The following ADGRV1 variants were observed in gnomAD, a reference collection of about 807,000 sequenced individuals.
The protein encoded by ADGRV1 is adhesion G protein-coupled receptor V1, also known as G-protein coupled receptor 98.
Under a neutral mutation model 596.2 loss-of-function variants are expected in ADGRV1, and 359 were observed. The ratio of observed to expected loss-of-function variants is 0.60; its 90% CI spans 0.55 to 0.66. The LOEUF (loss-of-function observed/expected upper bound fraction) is 0.66. Ranked by LOEUF, ADGRV1 falls within the 30% of genes least tolerant of loss-of-function variation. The pLI is 0.00. For synonymous variants in ADGRV1, 2,681 were observed against 2,679.2 expected (o/e 1.00, Z -0.02); for missense variants, 7,274 against 7,575.6 (o/e 0.96, Z 1.48).
chr5:90,578,352 T>C (rs577957416), intron 1 of ADGRV1, among the ~76,000 whole-genome samples: 1 of 152,364 alleles, frequency 6.6e-6, no homozygotes, highest in Admixed American at 6.5e-5. Flanking sequence ...AGGCCTTTTC[T>C]GCATCTATTG....
At chr5:91,103,655 T>C (rs1478289600) in intron 87 of ADGRV1, among the ~76,000 whole-genome samples, 1 of 152,090 alleles carries the variant, frequency 6.6e-6, no homozygotes, top group Admixed American at 6.6e-5. Context: ...ACTTTTAAAA[T>C]TGAGAATTTT....
rs114327932 is a variant in ADGRV1 at position 90,704,533 on chromosome 5, G to A, written c.8386+45G>A. On this transcript the variant is annotated intron_variant, in intron 36 of 89. Coordinates refer to ENST00000405460, the MANE Select transcript of ADGRV1 (RefSeq NM_032119.4). ...TAATTTTTTTTGGTATATTCTTTTC[G>A]TAAAAGAAAGAAAATTGTTATCTCT... The A allele has an allele frequency of 4.6e-5, 55 of 1,187,612 alleles. 1 individual carries two copies. The highest frequency in any genetic ancestry group is 2.2e-4 in the South Asian group (15 of 68,150). 73.6% of individuals were successfully genotyped at this position (1,187,612 alleles called of 1,614,324 possible).
chr5:90,693,906 C>G lies in ADGRV1; in HGVS notation c.7150C>G (p.Arg2384Gly), dbSNP rs377475657. 1.9e-6 allele frequency: 3 copies of G among 1,554,928 alleles called. No individual in the cohort carries two copies. Among genetic ancestry groups the G allele is most frequent in the Non-Finnish European group, 2.6e-6 (3 of 1,149,474 alleles). The change falls in exon 33 of 90, where the codon CGG (arginine) becomes GGG (glycine). Residue 2384 changes from arginine to glycine, a missense_variant. Physicochemically the swap from Arg to Gly is moderately radical, Grantham distance 125. This residue lies in a region of ADGRV1 where 3,643 missense variants were observed against 3,809.2 expected (regional missense o/e 0.96). Transcript: ENST00000405460. ...ACATTTTAGCGGAGGGCACTTTGGT[C>G]GGCTGTTGTTGTTCTACAGTACTTC... ...TVRRSGGHFG[R>G]LLLFYSTSDI...
At chr5:91,125,803 A>G (rs1191798847) in intron 87 of ADGRV1, among the ~76,000 whole-genome samples, 1 of 152,214 alleles carries the variant, frequency 6.6e-6, no homozygotes, top group Admixed American at 6.5e-5. Flanking sequence ...AGAAAGCACT[A>G]TTTTGAGGTA....
intron 79 of ADGRV1, among the ~76,000 whole-genome samples, chr5:90,851,661 T>G (rs1454489592): frequency 6.6e-6 from 1 of 152,162 alleles, no homozygotes; most frequent in Non-Finnish European, 1.5e-5. Flanking sequence ...ATGTGGGAGT[T>G]TTCCCCCTCA....
intron 82 of ADGRV1, among the ~76,000 whole-genome samples, chr5:90,857,198 G>A (rs979471012): frequency 6.6e-6 from 1 of 151,928 alleles, no homozygotes; most frequent in Non-Finnish European, 1.5e-5. Context: ...AAAATCAGAT[G>A]GAGACATCCT....
chr5:91,163,729 A>T (rs1198422347), intron 89 of ADGRV1, 53 bp from the exon 90 acceptor site: 1 of 695,890 alleles, frequency 1.4e-6, no homozygotes, highest in African/African-American at 1.8e-5. Flanking sequence ...GATTCTTAAG[A>T]ATTCACTGCA....
intron 79 of ADGRV1, among the ~76,000 whole-genome samples, chr5:90,851,142 A>T (rs58628869): frequency 0.48 from 39,213 of 82,066 alleles, 6,786 homozygotes; most frequent in Non-Finnish European, 0.55. Flanking sequence ...TGTGAGAGAG[A>T]GAGAGAGAGA....
intron 87 of ADGRV1, among the ~76,000 whole-genome samples, chr5:91,105,608 A>G (rs985304355): frequency 1.1e-4 from 16 of 152,102 alleles, no homozygotes; most frequent in African/African-American, 3.9e-4. Flanking sequence ...ATTTGTTCAT[A>G]TATTTGTTGG....
At chr5:90,667,245 G>A (rs6883837) in intron 21 of ADGRV1, among the ~76,000 whole-genome samples, 2 of 118,402 alleles carry the variant, frequency 1.7e-5, no homozygotes, top group Non-Finnish European at 3.4e-5. Flanking sequence ...CTTTCAGGTA[G>A]ACCAATCAGA....
chr5:90,662,914 A>G (rs1485102026), intron 21 of ADGRV1, among the ~76,000 whole-genome samples: 1 of 151,320 alleles, frequency 6.6e-6, no homozygotes, highest in Non-Finnish European at 1.5e-5. Context: ...TTCCAGTTTC[A>G]TCCATGTCCC....
chr5:91,053,000 A>G (rs1786492650), intron 85 of ADGRV1, among the ~76,000 whole-genome samples: 1 of 152,164 alleles, frequency 6.6e-6, no homozygotes, highest in African/African-American at 2.4e-5. Flanking sequence ...GGAATTTTTC[A>G]GGGCGTGGTG....
chr5:90,590,442 A>G (rs550253753), intron 1 of ADGRV1, among the ~76,000 whole-genome samples: 12 of 152,284 alleles, frequency 7.9e-5, no homozygotes, highest in Admixed American at 7.8e-4. Flanking sequence ...CTCTTTCCAT[A>G]TAGCCATTCC....
intron 33 of ADGRV1, among the ~76,000 whole-genome samples, 169 bp from the exon 34 acceptor site, chr5:90,696,768 A>G (rs1174194510): frequency 6.6e-6 from 1 of 150,450 alleles, no homozygotes; most frequent in Non-Finnish European, 1.5e-5. Context: ...GTGAAAAGAT[A>G]TATATATATA....
In ADGRV1 at chr5:90,796,036, T is replaced by C. The variant is rs530481662; in HGVS notation, c.14517+4690T>C. ...AGAGGGGGAGAAACCAGAGCAAAAA[T>C]GCTGAAAATTCCAAAAACCAGAACG... On this transcript the variant is annotated intron_variant, in intron 70 of 89. Coordinates refer to ENST00000405460, the MANE Select transcript of ADGRV1 (RefSeq NM_032119.4). 3.2e-4 allele frequency among the ~76,000 whole-genome samples: 49 copies of C among 152,110 alleles called. No individual in the cohort carries two copies. In the South Asian group the frequency reaches 9.4e-3, roughly 29 times the overall value.
intron 13 of ADGRV1, 129 bp downstream of exon 13, chr5:90,643,170 C>T (rs1767218674): frequency 5.1e-6 from 4 of 779,368 alleles, no homozygotes; most frequent in East Asian, 2.8e-5. Context: ...CTGAGAAGTA[C>T]ATAGATTTGG....
At position 90,970,478 on chromosome 5, in the gene ADGRV1, AG is replaced by A. The variant is rs374380566; in HGVS notation, c.17973+4951del. Among the ~76,000 whole-genome samples, 23 of 152,008 alleles carry A rather than the reference AG, an allele frequency of 1.5e-4. No homozygotes were observed. In the South Asian group the frequency reaches 4.4e-3, roughly 29 times the overall value. On this transcript the variant is annotated intron_variant, in intron 84 of 89. Coordinates refer to ENST00000405460, the MANE Select transcript of ADGRV1 (RefSeq NM_032119.4). ...GCCTAACTGGGAGGCATCCCCCAGT[AG>A]GGGCAGACTGACACCTCACATGGCC...
chr5:90,596,714 G>A (rs1422903229), intron 1 of ADGRV1, among the ~76,000 whole-genome samples: 5 of 152,226 alleles, frequency 3.3e-5, no homozygotes, highest in South Asian at 4.1e-4. Flanking sequence ...CAGGCAGGGC[G>A]GTTGCAGTGA....
chr5:90,689,491 A>C (rs1320507264), intron 29 of ADGRV1, among the ~76,000 whole-genome samples: 1 of 152,084 alleles, frequency 6.6e-6, no homozygotes, highest in Admixed American at 6.5e-5. Flanking sequence ...TTCCAGTGGC[A>C]TTACAATTCT....
Sources: gnomAD v4.1 joint callset for allele counts (sites outside exome capture counted in the v4.1 genomes callset) on GRCh38, gnomAD v4.1.1 for gene constraint, gnomAD v4.1.1 regional missense constraint, MANE v1.5 for transcripts, NCBI Gene and HGNC (gene_info 2026-07-23, HGNC 2026-07-21) for gene names.